The following HECTD2 variants were observed in gnomAD, a reference collection of about 807,000 sequenced individuals.
The protein encoded by HECTD2 is HECT domain E3 ubiquitin protein ligase 2.
HECTD2 carries 35 observed loss-of-function variants against 103.2 expected under a neutral mutation model. That is an observed-to-expected ratio of 0.34 (90% confidence interval 0.26 to 0.45). The LOEUF (loss-of-function observed/expected upper bound fraction) is 0.45, where lower values mean the gene tolerates loss of function less well. Among genes scored for constraint, HECTD2 ranks in the 20% least tolerant of loss-of-function variants. HECTD2 has a pLI of 1.00. For synonymous variants in HECTD2, 281 were observed against 329.9 expected, an observed-to-expected ratio of 0.85 and a Z score of 1.61; for missense variants, 596 against 937.4, an observed-to-expected ratio of 0.64 and a Z score of 4.76.
At chr10:91,444,814 C>T (rs920667040) in intron 2 of HECTD2, among the ~76,000 whole-genome samples, 3 of 152,136 alleles carry the variant, frequency 2.0e-5, no homozygotes, top group Non-Finnish European at 4.4e-5. Flanking sequence ...TACAGAATAT[C>T]ATAATACAGT....
intron 20 of HECTD2, among the ~76,000 whole-genome samples, chr10:91,509,163 T>C (rs1246957287): frequency 1.3e-5 from 2 of 148,172 alleles, no homozygotes; most frequent in Non-Finnish European, 3.0e-5. Context: ...CTGGGAGATA[T>C]ACCTAATGCT....
Position 91,419,319 on chromosome 10 carries a change from T to C in HECTD2, c.139-5962T>C, listed in dbSNP as rs143668915. On this transcript the variant is annotated intron_variant, in intron 1 of 20. Coordinates refer to ENST00000298068, the MANE Select transcript of HECTD2 (RefSeq NM_182765.6). ...GGAAATTTAAGATTCAGTCTGTTCCTCAATAGAGGTTGAAAGTAGGAACTC... is the reference window on the plus strand; with the variant it reads ...GGAAATTTAAGATTCAGTCTGTTCCCCAATAGAGGTTGAAAGTAGGAACTC... 8.3e-4 allele frequency among the ~76,000 whole-genome samples: 126 copies of C among 152,260 alleles called. 1 individual carries two copies. The highest frequency in any genetic ancestry group is 2.7e-3 in the African/African-American group (114 of 41,566).
intron 5 of HECTD2, among the ~76,000 whole-genome samples, chr10:91,466,061 C>G (rs969939972): frequency 2.0e-5 from 3 of 152,038 alleles, no homozygotes; most frequent in African/African-American, 7.2e-5. Flanking sequence ...CCATCTGGGC[C>G]TGGTGCTTTC....
intron 2 of HECTD2, among the ~76,000 whole-genome samples, chr10:91,454,967 C>T (rs926388335): frequency 2.6e-5 from 4 of 152,094 alleles, no homozygotes; most frequent in African/African-American, 9.7e-5. Flanking sequence ...TCCAGTCTAT[C>T]ATTGATGGAC....
intron 6 of HECTD2, among the ~76,000 whole-genome samples, chr10:91,478,763 A>G (rs1845993841): frequency 6.6e-6 from 1 of 151,914 alleles, no homozygotes; most frequent in African/African-American, 2.4e-5. Context: ...ATGAATATGC[A>G]TAATATAAAA....
chr10:91,511,823 G>A (rs1275597453), intron 20 of HECTD2, among the ~76,000 whole-genome samples: 2 of 152,062 alleles, frequency 1.3e-5, no homozygotes, highest in African/African-American at 4.8e-5. Flanking sequence ...CTCTGGCCCT[G>A]GGGTTGGGAA....
rs1443742270 is a variant in HECTD2 at position 91,447,712 on chromosome 10, AAAAAAAAG to A, written c.269-12707_269-12700del. On this transcript the variant is annotated intron_variant, in intron 2 of 20. Transcript: ENST00000298068. ...CAAATGGAAAGCAAAAAAAAAAAGA[AAAAAAAAG>A]AAAAAAAAAAGCAAGGGTTGCAATC... Among the ~76,000 whole-genome samples, 7 of 73,564 alleles carry A rather than the reference AAAAAAAAG, an allele frequency of 9.5e-5. 2 individuals carry two copies. The highest frequency in any genetic ancestry group is 5.3e-4 in the African/African-American group (7 of 13,096). The allele number at this position is 73,564 out of a possible 152,430, so 48.3% of individuals were successfully genotyped here. A position where few individuals can be genotyped will look rare whatever the true frequency, so the allele number is the denominator to read the frequency against.
intron 1 of HECTD2, among the ~76,000 whole-genome samples, chr10:91,417,605 A>G (rs1479781830): frequency 1.3e-5 from 2 of 151,840 alleles, no homozygotes; most frequent in African/African-American, 2.4e-5. Context: ...TACGAGTGAG[A>G]ACATGCGGTG....
At chr10:91,425,835 T>C (rs1016083452) in intron 2 of HECTD2, among the ~76,000 whole-genome samples, 4 of 151,844 alleles carry the variant, frequency 2.6e-5, no homozygotes, top group Non-Finnish European at 4.4e-5. Context: ...AAAACTGTTA[T>C]CTAAAGACCA....
At chr10:91,508,048 C>T (rs1847265243) in intron 20 of HECTD2, among the ~76,000 whole-genome samples, 1 of 120,872 alleles carries the variant, frequency 8.3e-6, no homozygotes, top group Non-Finnish European at 1.6e-5. Flanking sequence ...ATAAATGGTG[C>T]TGGGAAAACT....
chr10:91,469,995 G>C (rs970823792), intron 5 of HECTD2, among the ~76,000 whole-genome samples: 1 of 152,164 alleles, frequency 6.6e-6, no homozygotes, highest in African/African-American at 2.4e-5. Context: ...TAATGGTATA[G>C]AGTTCAGTTC....
intron 1 of HECTD2, among the ~76,000 whole-genome samples, chr10:91,424,630 T>A (rs1843487860): frequency 6.6e-6 from 1 of 152,094 alleles, no homozygotes; most frequent in Non-Finnish European, 1.5e-5. Context: ...ATAAGTACTA[T>A]GAATTTTATA....
At chr10:91,494,077 A>G (rs1254349175) in intron 14 of HECTD2, among the ~76,000 whole-genome samples, 1 of 151,998 alleles carries the variant, frequency 6.6e-6, no homozygotes, top group African/African-American at 2.4e-5. Context: ...GCATTTCTGC[A>G]TTGGGTAGGA....
Position 91,496,217 on chromosome 10 carries a change from A to C in HECTD2, c.1525A>C (p.Met509Leu). 6.2e-7 allele frequency: 1 copy of C among 1,608,302 alleles called. No individual in the cohort carries two copies. Among genetic ancestry groups the C allele is most frequent in the African/African-American group, 1.3e-5 (1 of 74,888 alleles). ...YSEFRLVGIL[M>L]GLAVYNSITL... ...GCTTAACATTTAGTATGCATAGCTT[A>C]TGGGACTAGCTGTTTATAACAGCAT... The change falls in exon 15 of 21, where the codon ATG becomes CTG. Residue 509 changes from methionine (M) to leucine (L), a missense_variant. Transcript: ENST00000298068.
chr10:91,491,973 T>G (rs767802565), intron 12 of HECTD2, among the ~76,000 whole-genome samples: 7 of 152,146 alleles, frequency 4.6e-5, no homozygotes, highest in Non-Finnish European at 1.0e-4. Flanking sequence ...GCCTCCCAAA[T>G]AGTTGGGATT....
chr10:91,474,646 G>T (rs907676264), intron 5 of HECTD2, among the ~76,000 whole-genome samples: 20 of 152,178 alleles, frequency 1.3e-4, no homozygotes, highest in African/African-American at 4.6e-4. Flanking sequence ...TTGTCTTGGT[G>T]TTGGAGATAC....
intron 1 of HECTD2, among the ~76,000 whole-genome samples, chr10:91,415,003 G>T (rs1453199401): frequency 1.3e-5 from 2 of 152,224 alleles, no homozygotes; most frequent in African/African-American, 2.4e-5. Flanking sequence ...GAAGAAAAGA[G>T]CTTTGTAGCT....
chr10:91,511,440 C>T lies in HECTD2; in HGVS notation c.2211-824C>T, dbSNP rs980484043. Among the ~76,000 whole-genome samples, 15 of 152,116 alleles carry T rather than the reference C, an allele frequency of 9.9e-5. 1 individual carries two copies. Among genetic ancestry groups the T allele is most frequent in the Non-Finnish European group, 1.6e-4 (11 of 68,040 alleles). ...ATCATTCATTATATTATCTACTCCT[C>T]GGCTGCTAGATGTTTTGTGTATATC... is the stretch of plus-strand genomic sequence containing the variant. On this transcript the variant is annotated intron_variant, in intron 20 of 20. Transcript: ENST00000298068.
chr10:91,435,676 A>G (rs1844084626), intron 2 of HECTD2, among the ~76,000 whole-genome samples: 1 of 151,914 alleles, frequency 6.6e-6, no homozygotes, highest in Non-Finnish European at 1.5e-5. Flanking sequence ...GCCATCTCTT[A>G]TCTTGGAAGT....
Sources: allele counts gnomAD v4.1 joint callset (sites outside exome capture counted in the v4.1 genomes callset), GRCh38; gene constraint gnomAD v4.1.1; transcripts MANE v1.5; gene names NCBI Gene and HGNC (gene_info 2026-07-23, HGNC 2026-07-21).